Variants in DDX3X observed in about 807,000 individuals in gnomAD.
DDX3X encodes the protein DEAD-box helicase 3 X-linked.
DDX3X carries 4 observed loss-of-function variants against 52.7 expected under a neutral mutation model. That is an observed-to-expected ratio of 0.08 (90% CI 0.04 to 0.17). DDX3X has a LOEUF of 0.17. Ranked by LOEUF, DDX3X falls within the 10% of genes least tolerant of loss-of-function variation. The probability of loss-of-function intolerance (pLI) is 1.00; values close to 1 mark genes in which losing one functional copy is unlikely to be tolerated. For missense variants in DDX3X, 222 were observed against 548.6 expected, an observed-to-expected ratio of 0.40 and a Z score of 5.95; for synonymous variants, 192 against 178.1, an observed-to-expected ratio of 1.08 and a Z score of -0.62.
chrX:41,341,680 A>AC, intron 4 of DDX3X, 64 bp downstream of exon 4: 1 of 1,058,454 alleles, frequency 9.4e-7, no homozygotes, highest in Non-Finnish European at 1.3e-6. Flanking sequence ...CGTTATCCTG[A>AC]CCACCTGTTT....
chrX:41,355,231 A>C (rs2064003927), downstream of DDX3X, among the ~76,000 whole-genome samples: 1 of 111,993 alleles, frequency 8.9e-6, no homozygotes, highest in African/African-American at 3.2e-5. Flanking sequence ...TAAAGCTGCC[A>C]TGAACATTCA....
intron 5 of DDX3X, among the ~76,000 whole-genome samples, chrX:41,358,525 A>G (rs2064017826): frequency 8.9e-6 from 1 of 111,827 alleles, no homozygotes; most frequent in Non-Finnish European, 1.9e-5. Context: ...TTACTTGAAT[A>G]TTAATTCTCA....
At chrX:41,343,109 A>G (rs1402369990) in intron 6 of DDX3X, 107 bp from the exon 7 acceptor site, 10 of 938,727 alleles carry the variant, frequency 1.1e-5, no homozygotes, top group Non-Finnish European at 1.5e-5. Context: ...TTTTACTTAA[A>G]CTATAAACTG....
chrX:41,345,268 C>G lies in DDX3X; in HGVS notation c.1114C>G (p.Pro372Ala). 5 of 1,210,949 alleles carry G rather than the reference C, an allele frequency of 4.1e-6. No homozygotes were observed. Among genetic ancestry groups the G allele is most frequent in the Non-Finnish European group, 5.6e-6 (5 of 894,972 alleles). ...RRIVEQDTMP[P>A]KGVRHTMMFS... ...AATAGTCGAACAAGATACTATGCCTCCAAAGGGTGTCCGCCACACTATGAT... is the reference window on the plus strand; with the variant it reads ...AATAGTCGAACAAGATACTATGCCTGCAAAGGGTGTCCGCCACACTATGAT... The change falls in exon 11 of 17, where the codon CCA becomes GCA. Residue 372 changes from proline to alanine, a missense_variant. Physicochemically the swap from Pro to Ala is conservative, Grantham distance 27 (BLOSUM62 -1). Coordinates refer to ENST00000644876, the MANE Select transcript of DDX3X (RefSeq NM_001356.5).
chrX:41,342,888 T>C, intron 6 of DDX3X, 52 bp downstream of exon 6: 1 of 1,003,372 alleles, frequency 1.0e-6, no homozygotes, highest in South Asian at 1.9e-5. Flanking sequence ...AATGTTTTCA[T>C]GTTACATTAG....
chrX:41,354,344 CTTT>C (rs60965317), downstream of DDX3X, among the ~76,000 whole-genome samples: 4 of 69,948 alleles, frequency 5.7e-5, no homozygotes, highest in Admixed American at 2.0e-4. Context: ...TGTGCTACCT[CTTT>C]TTTTTTTTTT....
At chrX:41,350,344 TCATAC>T (rs777709286), downstream of DDX3X, 1 of 112,543 alleles carries the variant, frequency 8.9e-6, no homozygotes, top group African/African-American at 3.2e-5. Context: ...ACAGAATGAC[TCATAC>T]CATAAGTATT....
upstream of DDX3X, chrX:41,333,772 G>A (rs766033886): frequency 8.4e-6 from 1 of 118,916 alleles, no homozygotes; most frequent in Admixed American, 9.2e-5. Flanking sequence ...AGTTGGAAAG[G>A]GGAGCGAATG....
At chrX:41,342,467 A>G (rs780083884) in intron 4 of DDX3X, 28 bp from the exon 5 acceptor site, 9 of 1,205,457 alleles carry the variant, frequency 7.5e-6, no homozygotes, top group African/African-American at 3.5e-5. Context: ...AAATGATATG[A>G]TTCTGATTAA....
At chrX:41,362,782 T>C (rs1024766850) in intron 5 of DDX3X, among the ~76,000 whole-genome samples, 1 of 111,692 alleles carries the variant, frequency 9.0e-6, no homozygotes, top group Non-Finnish European at 1.9e-5. Context: ...TCATGATTCT[T>C]CTTTGGCCAC....
At chrX:41,334,961 C>T (rs1476185036) in intron 1 of DDX3X, 1 of 179,697 alleles carries the variant, frequency 5.6e-6, no homozygotes, top group South Asian at 1.1e-4. Flanking sequence ...CTGGCTTTTT[C>T]GCTTCAGCCC....
At chrX:41,337,516 AG>A in intron 2 of DDX3X, 51 bp downstream of exon 2, 1 of 1,034,744 alleles carries the variant, frequency 9.7e-7, no homozygotes, top group East Asian at 3.1e-5. Context: ...TAACATCTTA[AG>A]ATTTCATTGG....
chrX:41,363,048 C>T (rs777937512), intron 5 of DDX3X, among the ~76,000 whole-genome samples: 2 of 112,486 alleles, frequency 1.8e-5, no homozygotes, highest in African/African-American at 6.4e-5. Context: ...CAGCTAATGC[C>T]TTTCTTTCTG....
intron 1 of DDX3X, 81 bp downstream of exon 1, chrX:41,334,378 C>G (rs775001014): frequency 2.1e-5 from 24 of 1,159,438 alleles, no homozygotes; most frequent in Non-Finnish European, 2.7e-5. Context: ...GCAGCGCTAA[C>G]CGGCACCCTT....
rs2063719034 is a variant in DDX3X, at chrX:41,334,180, T to G, written c.-73T>G. ...GCGCTCCAGAGCCGCAGTTCTCCCG[T>G]GAGAGGGCCTTCGCGGTGGAACAAA... On this transcript the variant is annotated 5_prime_UTR_variant, in exon 1 of 17. Transcript: ENST00000644876. The G allele has an allele frequency of 2.2e-4, 237 of 1,072,831 alleles. No individual in the cohort carries two copies. The highest frequency in any genetic ancestry group is 2.8e-4 in the Non-Finnish European group (219 of 780,212). The allele number at this position is 1,072,831 out of a possible 1,213,427, so 88.4% of individuals were successfully genotyped here.
At chrX:41,347,183 G>T (rs2063937153) in intron 15 of DDX3X, 129 bp from the exon 16 acceptor site, 1 of 958,133 alleles carries the variant, frequency 1.0e-6, no homozygotes, top group South Asian at 2.3e-5. Flanking sequence ...GTGACACTCT[G>T]TTGGGGAAAA....
At chrX:41,342,321 G>T in intron 4 of DDX3X, 174 bp from the exon 5 acceptor site, 4 of 482,262 alleles carry the variant, frequency 8.3e-6, no homozygotes, top group South Asian at 4.0e-5. Flanking sequence ...AGAAAACGAG[G>T]TTATGTAAAT....
Position 41,347,938 on chromosome X carries a change from G to A in DDX3X, c.*219G>A, listed in dbSNP as rs2063947383. 1.3e-5 allele frequency: 5 copies of A among 373,381 alleles called. No homozygotes were observed. Among genetic ancestry groups the A allele is most frequent in the Non-Finnish European group, 2.3e-5 (5 of 217,911 alleles). 30.8% of individuals were successfully genotyped at this position (373,381 alleles called of 1,213,427 possible). On this transcript the variant is annotated 3_prime_UTR_variant, in exon 17 of 17. Coordinates refer to ENST00000644876, the MANE Select transcript of DDX3X (RefSeq NM_001356.5). ...AAGGTGGTTTGAAGACTTCATTGCT[G>A]TAGTTTGGATTAACTCCCCTCCCGC...
At chrX:41,358,410 A>G (rs1030923679) in intron 5 of DDX3X, among the ~76,000 whole-genome samples, 2 of 111,380 alleles carry the variant, frequency 1.8e-5, no homozygotes, top group African/African-American at 3.3e-5. Context: ...TAAGTTAATA[A>G]CTGCCTGGGC....
Sources: gnomAD v4.1 joint callset for allele counts (sites outside exome capture counted in the v4.1 genomes callset) on GRCh38, gnomAD v4.1.1 for gene constraint, MANE v1.5 for transcripts, NCBI Gene and HGNC (gene_info 2026-07-23, HGNC 2026-07-21) for gene names.